NHS: variants seen among roughly 807,000 people sequenced by gnomAD.
NHS encodes the protein actin remodeling regulator NHS.
Under a neutral mutation model 72.5 loss-of-function variants are expected in NHS, and 5 were observed. That is an observed-to-expected ratio of 0.07 (90% confidence interval 0.04 to 0.14). The LOEUF is 0.14. NHS is among the 10% of genes least tolerant of loss of function. NHS has a pLI of 1.00. For synonymous variants in NHS, 464 were observed against 547.7 expected (o/e 0.85, Z 2.13); for missense variants, 1,072 against 1,355.7 (o/e 0.79, Z 3.29).
At chrX:17,489,861 C>A (rs1281828973) in intron 1 of NHS, among the ~76,000 whole-genome samples, 1 of 112,047 alleles carries the variant, frequency 8.9e-6, no homozygotes. Context: ...TTTTGATTTG[C>A]ATTTCTCTAA....
intron 1 of NHS, among the ~76,000 whole-genome samples, chrX:17,447,683 GC>G (rs921647523): frequency 2.7e-5 from 3 of 109,254 alleles, no homozygotes; most frequent in African/African-American, 1.0e-4. Flanking sequence ...ACATTTGCTG[GC>G]TAGCACTTTG....
intron 1 of NHS, among the ~76,000 whole-genome samples, chrX:17,384,204 A>G (rs1368195767): frequency 3.6e-5 from 4 of 112,071 alleles, no homozygotes; most frequent in Non-Finnish European, 7.5e-5. Flanking sequence ...TACCACTTGT[A>G]AAAAACCTTC....
intron 1 of NHS, among the ~76,000 whole-genome samples, chrX:17,445,112 G>A (rs191950504): frequency 9.0e-6 from 1 of 111,031 alleles, no homozygotes; most frequent in East Asian, 2.8e-4. Flanking sequence ...TCGGCTGGTT[G>A]TGGTGTAGAT....
chrX:17,590,836 G>T (rs765058276), intron 1 of NHS, among the ~76,000 whole-genome samples: 1 of 111,233 alleles, frequency 9.0e-6, no homozygotes, highest in Non-Finnish European at 1.9e-5. Context: ...CACATACAAA[G>T]AAAAACCAAG....
intron 1 of NHS, among the ~76,000 whole-genome samples, chrX:17,526,382 C>T (rs777706033): frequency 8.9e-6 from 1 of 112,285 alleles, no homozygotes; most frequent in African/African-American, 3.2e-5. Context: ...GTCCTCTTAT[C>T]GTCTAGCAGG....
intron 1 of NHS, among the ~76,000 whole-genome samples, chrX:17,488,994 A>G (rs1229761298): frequency 1.8e-5 from 2 of 110,414 alleles, no homozygotes; most frequent in Non-Finnish European, 3.8e-5. Flanking sequence ...CCCTGTGTTC[A>G]TGTGTTCTCA....
chrX:17,577,369 T>C (rs761710762), intron 1 of NHS, among the ~76,000 whole-genome samples: 3 of 111,855 alleles, frequency 2.7e-5, no homozygotes, highest in Non-Finnish European at 5.6e-5. Flanking sequence ...CTGGAACCTC[T>C]GTGCTTTGTA....
intron 1 of NHS, among the ~76,000 whole-genome samples, chrX:17,518,129 C>T (rs1433879812): frequency 8.9e-6 from 1 of 111,820 alleles, no homozygotes; most frequent in East Asian, 2.8e-4. Flanking sequence ...TGGGATTGGT[C>T]TCTGCCTAGA....
chrX:17,525,316 A>G (rs773655012), intron 1 of NHS, among the ~76,000 whole-genome samples: 1 of 111,882 alleles, frequency 8.9e-6, no homozygotes, highest in South Asian at 3.7e-4. Context: ...TCTTCTCACC[A>G]TCTGAACCCT....
intron 8 of NHS, 21 bp from the exon 9 acceptor site, chrX:17,731,837 C>T: frequency 8.5e-7 from 1 of 1,172,059 alleles, no homozygotes; most frequent in Non-Finnish European, 1.1e-6. Context: ...ATGTTTGCCC[C>T]ATTTTCTCCT....
chrX:17,412,193 AAAT>A (rs1348787460), intron 1 of NHS, among the ~76,000 whole-genome samples: 1 of 109,344 alleles, frequency 9.1e-6, no homozygotes, highest in Non-Finnish European at 1.9e-5. Context: ...TTATATACTT[AAAT>A]AATGTATTCT....
At chrX:17,520,268 G>T (rs1207967947) in intron 1 of NHS, among the ~76,000 whole-genome samples, 3 of 111,928 alleles carry the variant, frequency 2.7e-5, no homozygotes, top group Non-Finnish European at 5.6e-5. Context: ...GATGAGAAAG[G>T]CACTTTTTCA....
rs1401931825 is a variant in NHS at position 17,375,893 on chromosome X, C to G, written c.136C>G (p.Leu46Val). ...CTTGCAGCCGCCGGGCCGGAGGGAC[C>G]TGGACGAGGTCGAGGCGCCAGGGCC... ...PPLQPPGRRD[L>V]DEVEAPGPEE... Residue 46 changes from leucine to valine, a missense_variant, in exon 1 of 9, where the codon CTG becomes GTG. Physicochemically the swap from Leu to Val is conservative, Grantham distance 32 (BLOSUM62 1). Transcript: ENST00000676302. 7 of 1,102,796 alleles carry G rather than the reference C, an allele frequency of 6.3e-6. No individual in the cohort carries two copies. Among genetic ancestry groups the G allele is most frequent in the Non-Finnish European group, 8.2e-6 (7 of 850,293 alleles). 90.9% of individuals were successfully genotyped at this position (1,102,796 alleles called of 1,213,427 possible). A position where few individuals can be genotyped will look rare whatever the true frequency, so the allele number is the denominator to read the frequency against.
At chrX:17,593,003 TAAAAG>T (rs1217934882) in intron 1 of NHS, among the ~76,000 whole-genome samples, 1 of 112,218 alleles carries the variant, frequency 8.9e-6, no homozygotes, top group African/African-American at 3.2e-5. Flanking sequence ...AAAAAATTTT[TAAAAG>T]AAGAAGGAAA....
chrX:17,708,741 C>T (rs1330543096), intron 3 of NHS, among the ~76,000 whole-genome samples: 1 of 110,742 alleles, frequency 9.0e-6, no homozygotes, highest in African/African-American at 3.3e-5. Context: ...CTATGAGAGG[C>T]AGGAGATGGA....
intron 1 of NHS, among the ~76,000 whole-genome samples, chrX:17,679,858 AAG>A (rs1491119641): frequency 1.1e-4 from 9 of 78,385 alleles, no homozygotes; most frequent in East Asian, 5.6e-4. Flanking sequence ...AGAATGAAGA[AAG>A]GGGGGGGGGG....
At chrX:17,478,130 C>T (rs1385113626) in intron 1 of NHS, among the ~76,000 whole-genome samples, 2 of 111,719 alleles carry the variant, frequency 1.8e-5, no homozygotes, top group Admixed American at 1.9e-4. Context: ...TCCTTTTAAC[C>T]TTAATACCAT....
intron 1 of NHS, among the ~76,000 whole-genome samples, chrX:17,478,579 A>G (rs2064931655): frequency 9.0e-6 from 1 of 111,465 alleles, no homozygotes; most frequent in Non-Finnish European, 1.9e-5. Flanking sequence ...TTCCCCTCCC[A>G]ATACCTAGGA....
intron 3 of NHS, among the ~76,000 whole-genome samples, chrX:17,713,719 C>CT (rs1310740406): frequency 1.8e-5 from 2 of 111,636 alleles, no homozygotes; most frequent in Non-Finnish European, 3.8e-5. Flanking sequence ...TGGGGATCAT[C>CT]TTGAAACCCT....
Sources: gnomAD v4.1 joint callset for allele counts (sites outside exome capture counted in the v4.1 genomes callset) on GRCh38, gnomAD v4.1.1 for gene constraint, MANE v1.5 for transcripts, NCBI Gene and HGNC (gene_info 2026-07-23, HGNC 2026-07-21) for gene names.